ARSG: variants seen among roughly 807,000 people sequenced by gnomAD.
ARSG encodes the protein arylsulfatase G.
Under a neutral mutation model 50.5 loss-of-function variants are expected in ARSG, and 37 were observed. The ratio of observed to expected loss-of-function variants is 0.73; its 90% CI spans 0.56 to 0.96. The LOEUF (loss-of-function observed/expected upper bound fraction) is 0.96, where lower values mean the gene tolerates loss of function less well. Ranked by LOEUF, ARSG falls within the 50% of genes least tolerant of loss-of-function variation. The probability of loss-of-function intolerance (pLI) is 0.00; values close to 1 mark genes in which losing one functional copy is unlikely to be tolerated. For missense variants in ARSG, 629 were observed against 675.3 expected (o/e 0.93, Z 0.76); for synonymous variants, 225 against 254.6 (o/e 0.88, Z 1.11).
intron 1 of ARSG, among the ~76,000 whole-genome samples, chr17:68,260,803 A>T (rs1174668312): frequency 6.6e-6 from 1 of 152,066 alleles, no homozygotes; most frequent in African/African-American, 2.4e-5. Flanking sequence ...AAGAGTTGCA[A>T]TATTTAGTAA....
intron 8 of ARSG, 56 bp downstream of exon 8, chr17:68,370,580 G>T (rs2079787957): frequency 1.3e-6 from 2 of 1,549,252 alleles, no homozygotes; most frequent in Non-Finnish European, 1.8e-6. Context: ...CCCAGGCTGG[G>T]GTGTGGGATT....
At chr17:68,263,330 A>T (rs2144847797) in intron 1 of ARSG, among the ~76,000 whole-genome samples, 1 of 152,338 alleles carries the variant, frequency 6.6e-6, no homozygotes, top group South Asian at 2.1e-4. Context: ...CTCACTTAGG[A>T]CACATGCAAT....
chr17:68,443,355 C>T, the ARSG span, among the ~76,000 whole-genome samples: 15,500 of 152,212 alleles, frequency 0.1, 875 homozygotes, highest in South Asian at 0.23. Flanking sequence ...TCAGGTGATC[C>T]ACCCGCCTCG....
rs531456279 is a variant in ARSG at position 68,328,436 on chromosome 17, G to A, written c.219-15168G>A. Among the ~76,000 whole-genome samples, 7 of 152,222 alleles carry A rather than the reference G, an allele frequency of 4.6e-5. No homozygotes were observed. In the South Asian group the frequency reaches 1.2e-3, roughly 27 times the overall value. ...TAGTCTCACACTAGACAGAGTTGGG[G>A]TCGTATTTGGACCCAGGCTTGTCTT... is the stretch of plus-strand genomic sequence containing the variant. On this transcript the variant is annotated intron_variant, in intron 2 of 11. Transcript: ENST00000621439.
chr17:68,394,569 G>A (rs1054786779), intron 9 of ARSG, among the ~76,000 whole-genome samples: 3 of 152,090 alleles, frequency 2.0e-5, no homozygotes, highest in East Asian at 1.9e-4. Context: ...AGGAGTTCAA[G>A]GTTACAGTGA....
rs112192118 is a variant in ARSG, at chr17:68,403,847, T to A, written c.1303+2397T>A. On this transcript the variant is annotated intron_variant, in intron 11 of 11. Transcript: ENST00000621439. The stretch of plus-strand genomic sequence containing the variant: ...TACATTGGTTATATCTCCTAATGCT[T>A]TCCCTCCCCCCTCACCCCACCCCAC... 2.2e-4 allele frequency among the ~76,000 whole-genome samples: 33 copies of A among 152,252 alleles called. 1 individual carries two copies. The highest frequency in any genetic ancestry group is 1.4e-4 in the African/African-American group (6 of 41,538).
chr17:68,295,440 C>T (rs2076169504), intron 1 of ARSG, among the ~76,000 whole-genome samples: 1 of 151,752 alleles, frequency 6.6e-6, no homozygotes, highest in South Asian at 2.1e-4. Context: ...GTTGACTGCT[C>T]CTGTAGTTTT....
intron 1 of ARSG, chr17:68,268,798 A>G (rs1447208410): frequency 2.9e-6 from 1 of 349,718 alleles, no homozygotes; most frequent in Non-Finnish European, 5.1e-6. Flanking sequence ...CGGAATGTGA[A>G]CCAAAGAGTC....
At chr17:68,379,400 C>T (rs994705316) in intron 8 of ARSG, among the ~76,000 whole-genome samples, 2 of 150,050 alleles carry the variant, frequency 1.3e-5, no homozygotes, top group African/African-American at 2.5e-5. Flanking sequence ...AGGTGTGTGC[C>T]ACCATGCCTG....
At chr17:68,336,220 T>C (rs2078013105) in intron 2 of ARSG, among the ~76,000 whole-genome samples, 1 of 148,178 alleles carries the variant, frequency 6.7e-6, no homozygotes, top group African/African-American at 2.5e-5. Context: ...CTTTTCTTTC[T>C]TTTTTTTTAG....
intron 2 of ARSG, among the ~76,000 whole-genome samples, chr17:68,318,023 C>T (rs1319412229): frequency 6.6e-6 from 1 of 151,778 alleles, no homozygotes; most frequent in Non-Finnish European, 1.5e-5. Flanking sequence ...CTCTTGAACC[C>T]GGGAGGTGGA....
At chr17:68,383,376 C>T (rs1430858145) in intron 8 of ARSG, among the ~76,000 whole-genome samples, 1 of 152,242 alleles carries the variant, frequency 6.6e-6, no homozygotes, top group Non-Finnish European at 1.5e-5. Context: ...CCATTGCCCA[C>T]CCCAGTGCCT....
chr17:68,260,011 C>T (rs2075048272), intron 1 of ARSG, among the ~76,000 whole-genome samples: 2 of 152,160 alleles, frequency 1.3e-5, no homozygotes, highest in African/African-American at 4.8e-5. Flanking sequence ...CCTCTGGCTT[C>T]GGTGTTAACT....
rs1599906914 is a variant in ARSG, at chr17:68,367,967, G to A, written c.705-581G>A. Among the ~76,000 whole-genome samples the A allele has an allele frequency of 6.6e-6, 1 of 152,278 alleles. No homozygotes were observed. Among genetic ancestry groups the A allele is most frequent in the African/African-American group, 2.4e-5 (1 of 41,564 alleles). On this transcript the variant is annotated intron_variant, in intron 6 of 11. Transcript: ENST00000621439. This position sits in a 1 kb window ranked among gnomAD's most constrained non-coding sequence, Gnocchi z 4.5. ...CACCTGTAATTCCAGCTACTCAGGA[G>A]GCTGAGGCGGGAGTATCGCTTGAAC...
chr17:68,398,958 T>C (rs1366581882), intron 10 of ARSG, among the ~76,000 whole-genome samples: 4 of 152,212 alleles, frequency 2.6e-5, no homozygotes, highest in Non-Finnish European at 5.9e-5. Context: ...GGTCCCACTT[T>C]GTGCTTTCCT....
At chr17:68,310,604 C>T (rs906711423) in intron 2 of ARSG, among the ~76,000 whole-genome samples, 12 of 152,312 alleles carry the variant, frequency 7.9e-5, no homozygotes, top group Admixed American at 6.5e-4. Flanking sequence ...TTGTCCAGCT[C>T]GGATTCTGTC....
At chr17:68,428,735 A>T in the ARSG span, 1 of 948,856 alleles carries the variant, frequency 1.1e-6, no homozygotes, top group Middle Eastern at 2.6e-4. Flanking sequence ...GAACAAATCA[A>T]TGCAAGGGCA....
At chr17:68,402,969 G>A (rs2081545353) in intron 11 of ARSG, among the ~76,000 whole-genome samples, 1 of 152,204 alleles carries the variant, frequency 6.6e-6, no homozygotes, top group South Asian at 2.1e-4. Flanking sequence ...AGGAAAACCT[G>A]TGACCTAATG....
In ARSG at chr17:68,294,319, G is replaced by A. The variant is rs146224363; in HGVS notation, c.-552+2751G>A. 2.4e-4 allele frequency among the ~76,000 whole-genome samples: 37 copies of A among 152,360 alleles called. No individual in the cohort carries two copies. In the East Asian group the frequency reaches 6.9e-3, roughly 29 times the overall value. ...CTCTTGCATAGGGTCATTTGCATGAGAACAGATTCCTTTGTGTAAAGTTGG... is the reference window on the plus strand; with the variant it reads ...CTCTTGCATAGGGTCATTTGCATGAAAACAGATTCCTTTGTGTAAAGTTGG... On this transcript the variant is annotated intron_variant, in intron 1 of 11. Coordinates refer to ENST00000621439, the MANE Select transcript of ARSG (RefSeq NM_001267727.2).
Sources: allele counts gnomAD v4.1 joint callset (sites outside exome capture counted in the v4.1 genomes callset), GRCh38; gene constraint gnomAD v4.1.1; non-coding constraint Gnocchi (gnomAD v3.1); transcripts MANE v1.5; gene names NCBI Gene and HGNC (gene_info 2026-07-23, HGNC 2026-07-21).